Variants in CHCHD3 observed in about 807,000 individuals in gnomAD.
CHCHD3 encodes MICOS complex subunit MIC19.
In CHCHD3, 20 loss-of-function variants were observed where a neutral mutation model predicts 38.2. The observed-to-expected ratio is 0.52, with a 90% confidence interval of 0.37 to 0.76. CHCHD3 has a LOEUF of 0.76. Ranked by LOEUF, CHCHD3 falls within the 30% of genes least tolerant of loss-of-function variation. The pLI is 0.00. For missense variants in CHCHD3, 245 were observed against 279.2 expected, an observed-to-expected ratio of 0.88 and a Z score of 0.87; for synonymous variants, 82 against 100.0, an observed-to-expected ratio of 0.82 and a Z score of 1.07.
At chr7:132,907,495 C>T (rs1277100248) in intron 4 of CHCHD3, among the ~76,000 whole-genome samples, 2 of 152,008 alleles carry the variant, frequency 1.3e-5, no homozygotes, top group Admixed American at 6.6e-5. Context: ...GGGTCAAAGG[C>T]CATCGCAAGA....
chr7:133,007,355 T>C (rs1344141951), intron 3 of CHCHD3, among the ~76,000 whole-genome samples: 3 of 152,220 alleles, frequency 2.0e-5, no homozygotes, highest in African/African-American at 4.8e-5. Context: ...TTTGGACATA[T>C]ACCATAACTC....
chr7:132,857,310 A>C (rs571696717), intron 5 of CHCHD3, among the ~76,000 whole-genome samples: 5 of 152,328 alleles, frequency 3.3e-5, no homozygotes, highest in Non-Finnish European at 7.3e-5. Flanking sequence ...TTTCCCAAGA[A>C]TCTTCTTTAC....
At chr7:132,979,094 TG>T (rs1166419549) in intron 3 of CHCHD3, among the ~76,000 whole-genome samples, 5 of 152,226 alleles carry the variant, frequency 3.3e-5, no homozygotes, top group African/African-American at 1.2e-4. Context: ...TTTTAAAATT[TG>T]AAGGTTGAAC....
At chr7:132,966,360 T>C (rs970771504) in intron 4 of CHCHD3, among the ~76,000 whole-genome samples, 2 of 152,170 alleles carry the variant, frequency 1.3e-5, no homozygotes, top group African/African-American at 4.8e-5. Context: ...AGCTGCCACC[T>C]GCCCCCATCG....
intron 4 of CHCHD3, among the ~76,000 whole-genome samples, chr7:132,889,633 G>A (rs968082238): frequency 5.3e-5 from 8 of 152,114 alleles, no homozygotes; most frequent in African/African-American, 1.7e-4. Flanking sequence ...TCTTTCCCTG[G>A]ATTGCAAACA....
At chr7:132,944,626 G>C (rs1050900398) in intron 4 of CHCHD3, among the ~76,000 whole-genome samples, 2 of 151,668 alleles carry the variant, frequency 1.3e-5, no homozygotes, top group Non-Finnish European at 2.9e-5. Flanking sequence ...AAAAAAAAAT[G>C]TATAAATAGT....
In CHCHD3 at chr7:132,915,237, C is replaced by T. The variant is rs147554337; in HGVS notation, c.370-29492G>A. The stretch of plus-strand genomic sequence containing the variant: ...CACTGGAAGAGAGCGGCAAGGATTT[C>T]GAGCTATGGTAAGGAGGAACGGACT... On this transcript the variant is annotated intron_variant, in intron 4 of 7. Coordinates refer to ENST00000262570, the MANE Select transcript of CHCHD3 (RefSeq NM_017812.4). Among the ~76,000 whole-genome samples, 457 of 152,132 alleles carry T rather than the reference C, an allele frequency of 3.0e-3. 1 individual carries two copies. Among genetic ancestry groups the T allele is most frequent in the African/African-American group, 0.011 (438 of 41,460 alleles).
At chr7:132,921,375 T>C (rs979493018) in intron 4 of CHCHD3, among the ~76,000 whole-genome samples, 3 of 152,156 alleles carry the variant, frequency 2.0e-5, no homozygotes, top group African/African-American at 7.2e-5. Flanking sequence ...ATTTAGGAAA[T>C]GTAATAAAAG....
chr7:133,043,489 A>T (rs139888074), intron 2 of CHCHD3, among the ~76,000 whole-genome samples: 1 of 152,070 alleles, frequency 6.6e-6, no homozygotes, highest in South Asian at 2.1e-4. Flanking sequence ...TAAAAATATA[A>T]AAATTAGCTG....
chr7:132,859,695 C>A (rs546968418), intron 5 of CHCHD3, among the ~76,000 whole-genome samples: 1 of 152,338 alleles, frequency 6.6e-6, no homozygotes, highest in South Asian at 2.1e-4. Flanking sequence ...CTCCTGCCTC[C>A]TTCCCCTTCA....
intron 6 of CHCHD3, among the ~76,000 whole-genome samples, chr7:132,825,657 G>A (rs929971968): frequency 7.2e-5 from 11 of 152,206 alleles, no homozygotes; most frequent in African/African-American, 2.2e-4. Context: ...GTAAATCAGC[G>A]AAGCCTGATG....
chr7:132,938,341 C>T (rs549188674), intron 4 of CHCHD3, among the ~76,000 whole-genome samples: 8 of 152,212 alleles, frequency 5.3e-5, no homozygotes, highest in Non-Finnish European at 5.9e-5. Context: ...AATAAGGATT[C>T]GTAGTCTAGT....
chr7:132,868,902 C>G (rs1306004396), intron 5 of CHCHD3, among the ~76,000 whole-genome samples: 2 of 152,090 alleles, frequency 1.3e-5, no homozygotes, highest in African/African-American at 2.4e-5. Context: ...GGTGACCCAC[C>G]CTCACCCAAG....
At chr7:132,971,071 T>C (rs116700272) in intron 4 of CHCHD3, among the ~76,000 whole-genome samples, 2,857 of 152,274 alleles carry the variant, frequency 0.019, 104 homozygotes, top group African/African-American at 0.065. Context: ...TCAAAAAAAC[T>C]AACTCACTAC....
intron 6 of CHCHD3, among the ~76,000 whole-genome samples, chr7:132,824,194 G>C (rs1341893192): frequency 1.3e-5 from 2 of 151,070 alleles, no homozygotes; most frequent in South Asian, 2.1e-4. Flanking sequence ...ATATTATATT[G>C]TATTATTTGA....
intron 2 of CHCHD3, among the ~76,000 whole-genome samples, chr7:133,049,626 A>C (rs1814092074): frequency 6.6e-6 from 1 of 152,236 alleles, no homozygotes. Context: ...TGAATGTTTG[A>C]GAAGCAAAGT....
At chr7:132,978,041 G>A (rs546381708) in intron 3 of CHCHD3, among the ~76,000 whole-genome samples, 6 of 152,136 alleles carry the variant, frequency 3.9e-5, no homozygotes, top group East Asian at 3.9e-4. Flanking sequence ...TTTAATCTCC[G>A]GTGAGTCCTG....
chr7:133,056,979 A>C (rs981848304), intron 2 of CHCHD3, among the ~76,000 whole-genome samples: 11 of 152,234 alleles, frequency 7.2e-5, no homozygotes, highest in Admixed American at 2.0e-4. Context: ...TGGTGATTTA[A>C]CTACCACCTT....
chr7:132,968,964 T>C (rs910201297), intron 4 of CHCHD3, among the ~76,000 whole-genome samples: 7 of 152,168 alleles, frequency 4.6e-5, no homozygotes, highest in Admixed American at 3.9e-4. Context: ...ACTGTCACAG[T>C]TTGAAGCACA....
Sources: allele counts gnomAD v4.1 joint callset (sites outside exome capture counted in the v4.1 genomes callset), GRCh38; gene constraint gnomAD v4.1.1; transcripts MANE v1.5; gene names NCBI Gene and HGNC (gene_info 2026-07-23, HGNC 2026-07-21).